Variants in MCAM observed in about 807,000 individuals in gnomAD.
The protein encoded by MCAM is cell surface glycoprotein MUC18.
A neutral mutation model predicts 79.1 loss-of-function variants in MCAM; 55 were observed. That is an observed-to-expected ratio of 0.70 (90% CI 0.56 to 0.87). The LOEUF (loss-of-function observed/expected upper bound fraction) is 0.87, where lower values mean the gene tolerates loss of function less well. Among genes scored for constraint, MCAM ranks in the 40% least tolerant of loss-of-function variants. MCAM has a pLI of 0.00. For missense variants in MCAM, 745 were observed against 839.8 expected (o/e 0.89, Z 1.40); for synonymous variants, 330 against 339.8 (o/e 0.97, Z 0.32).
chr11:119,314,293 C>T, intron 5 of MCAM, 196 bp downstream of exon 5: 1 of 572,908 alleles, frequency 1.7e-6, no homozygotes, highest in Non-Finnish European at 3.1e-6. Context: ...GTATCTGGGA[C>T]CACAGGCACA....
At position 119,310,852 on chromosome 11, in the gene MCAM, A is replaced by G. The variant is rs779468597; in HGVS notation, c.1697T>C (p.Ile566Thr). 9.9e-6 allele frequency: 16 copies of G among 1,614,034 alleles called. No individual in the cohort carries two copies. The East Asian group carries it at 2.9e-4, about 29-fold the overall frequency. ...CACCGCCAGGACCAGGATGCACACA[A>G]TCACAGCCACGATGACCACGCCCCG... ...ESRGVVIVAV[I>T]VCILVLAVLG... Residue 566 changes from isoleucine (I) to threonine (T), a missense_variant, in exon 14 of 16, where the codon ATT becomes ACT. Physicochemically the swap from Ile to Thr is moderately conservative, Grantham distance 89. Coordinates refer to ENST00000264036, the MANE Select transcript of MCAM (RefSeq NM_006500.3).
chr11:119,313,480 C>T (rs564306081), intron 5 of MCAM: 2 of 423,144 alleles, frequency 4.7e-6, no homozygotes, highest in Non-Finnish European at 8.1e-6. Context: ...TCACCGCAAC[C>T]TCCACCTCCC....
Position 119,311,164 on chromosome 11 carries a change from G to A in MCAM, c.1571C>T (p.Pro524Leu). The change falls in exon 13 of 16, where the codon CCA becomes CTA. Residue 524 changes from proline to leucine, a missense_variant. Physicochemically the swap from Pro to Leu is moderately conservative, Grantham distance 98. Coordinates refer to ENST00000264036, the MANE Select transcript of MCAM (RefSeq NM_006500.3). This position sits in a 1 kb window ranked among gnomAD's most constrained non-coding sequence, Gnocchi z 4.4. ...GAGGCCAGTGGTTGTGTTGGAGTCT[G>A]GTGTGAGGGTGGTTAAATTGACTAG... ...LELVNLTTLT[P>L]DSNTTTGLST... is the part of the protein sequence containing the mutation. The A allele has an allele frequency of 1.2e-6, 2 of 1,614,202 alleles. No homozygotes were observed. The highest frequency in any genetic ancestry group is 1.7e-6 in the Non-Finnish European group (2 of 1,180,010).
Position 119,316,732 on chromosome 11 carries a change from C to T in MCAM, c.67+303G>A, listed in dbSNP as rs1467724705. The stretch of plus-strand genomic sequence containing the variant: ...TTCAATTGCGGGCCCCCAGAGTGAG[C>T]ACCTCAGGGACCACCCACCCCCCAG... On this transcript the variant is annotated intron_variant, in intron 1 of 15. Transcript: ENST00000264036. This position sits in a 1 kb window ranked among gnomAD's most constrained non-coding sequence, Gnocchi z 4.8. 6.0e-5 allele frequency: 21 copies of T among 348,212 alleles called. No homozygotes were observed. The highest frequency in any genetic ancestry group is 9.0e-5 in the Non-Finnish European group (17 of 189,908). The allele number at this position is 348,212 out of a possible 1,614,324, so 21.6% of individuals were successfully genotyped here.
chr11:119,315,189 A>G lies in MCAM; in HGVS notation c.142T>C (p.Cys48Arg), dbSNP rs747480871. Residue 48 changes from cysteine to arginine, a missense_variant, in exon 2 of 16, where the codon TGC (cysteine) becomes CGC (arginine). By Grantham distance (180) the Cys-to-Arg change is radical. Transcript: ENST00000264036. This position sits in a 1 kb window ranked among gnomAD's most constrained non-coding sequence, Gnocchi z 4.4. ...TTGCCTTGGGACTGGGAGAGGCCGC[A>G]CTTCAGAAGGGCTGTGCTGCCCACT... ...VEVGSTALLKCGLSQSQGNLS... is the reference protein window; with the variant it reads ...VEVGSTALLKRGLSQSQGNLS... 6.2e-7 allele frequency: 1 copy of G among 1,613,324 alleles called. No homozygotes were observed. The highest frequency in any genetic ancestry group is 8.5e-7 in the Non-Finnish European group (1 of 1,179,992).
In MCAM at chr11:119,314,703, A is replaced by G. The variant is rs759985598; in HGVS notation, c.447T>C (p.Pro149=). 3.1e-6 allele frequency: 5 copies of G among 1,613,988 alleles called. No homozygotes were observed. The South Asian group carries it at 5.5e-5, about 18-fold the overall frequency. The change falls in exon 4 of 16, where the codon CCT becomes CCC. Residue 149 remains proline (P), a synonymous_variant. Transcript: ENST00000264036. ...PNIQVNPLGI[P]VNSKEPEEVA... ...CCTCCTCAGGCTCCTTACTGTTCAC[A>G]GGGATGCCCAGGGGGTTGACCTGGA... is the stretch of plus-strand genomic sequence containing the variant.
rs1019654688 is a variant in MCAM at position 119,308,680 on chromosome 11, A to G, written c.*1206T>C. The G allele has an allele frequency of 6.6e-6, 1 of 152,108 alleles. No individual in the cohort carries two copies. Among genetic ancestry groups the G allele is most frequent in the Non-Finnish European group, 1.5e-5 (1 of 68,032 alleles). The allele number at this position is 152,108 out of a possible 1,614,324, so 9.4% of individuals were successfully genotyped here. ...TATGCATACACACAGACAGACACAC[A>G]CACCCGAAGCTCTAGCCAGGCCCGT... On this transcript the variant is annotated 3_prime_UTR_variant, in exon 16 of 16. Transcript: ENST00000264036.
chr11:119,315,345 G>A lies in MCAM; in HGVS notation c.68-82C>T. The A allele has an allele frequency of 6.7e-7, 1 of 1,502,176 alleles. No individual in the cohort carries two copies. Among genetic ancestry groups the A allele is most frequent in the Admixed American group, 2.0e-5 (1 of 50,342 alleles). The allele number at this position is 1,502,176 out of a possible 1,614,324, so 93.1% of individuals were successfully genotyped here. A position where few individuals can be genotyped will look rare whatever the true frequency, so the allele number is the denominator to read the frequency against. ...CTCCCCTCGCAGCGCTGCTGCAGCT[G>A]TTTTTCCTGCCACTCAGAGGGTCTG... On this transcript the variant is annotated intron_variant, in intron 1 of 15. Transcript: ENST00000264036. This position sits in a 1 kb window ranked among gnomAD's most constrained non-coding sequence, Gnocchi z 4.4.
At position 119,310,405 on chromosome 11, in the gene MCAM, C is replaced by T. The variant is rs752552756; in HGVS notation, c.1855G>A (p.Glu619Lys). 6 of 1,614,070 alleles carry T rather than the reference C, an allele frequency of 3.7e-6. No individual in the cohort carries two copies. The highest frequency in any genetic ancestry group is 1.3e-5 in the African/African-American group (1 of 74,938). Residue 619 changes from glutamate to lysine, a missense_variant, in exon 15 of 16, where the codon GAA becomes AAA. Physicochemically the swap from Glu to Lys is moderately conservative, Grantham distance 56. Coordinates refer to ENST00000264036, the MANE Select transcript of MCAM (RefSeq NM_006500.3). ...CTGCCCTGCAGGAGGCCCATCTCTT[C>T]TGGGAGCTTATCTGACTTAACTTCA... ...VVEVKSDKLP[E>K]EMGLLQGSSG...
intron 15 of MCAM, 40 bp downstream of exon 15, chr11:119,310,309 G>T: frequency 7.5e-7 from 1 of 1,328,918 alleles, no homozygotes. Flanking sequence ...CCCGGTCCCT[G>T]AGGATGTGGC....
rs181578707 is a variant in MCAM, at chr11:119,311,611, C to T, written c.1326G>A (p.Val442=). Residue 442 remains valine (V), a synonymous_variant, in exon 11 of 16, where the codon GTG becomes GTA. Transcript: ENST00000264036. This position sits in a 1 kb window ranked among gnomAD's most constrained non-coding sequence, Gnocchi z 4.4. ...WMAFKERKVW[V]KENMVLNLSC... The stretch of plus-strand genomic sequence containing the variant: ...ACAGATTCAACACCATATTCTCTTT[C>T]ACCCACACCTTCCTCTCCTTGAATG... 9 of 1,614,180 alleles carry T rather than the reference C, an allele frequency of 5.6e-6. No homozygotes were observed. The East Asian group carries it at 1.8e-4, about 32-fold the overall frequency.
intron 13 of MCAM, 33 bp from the exon 14 acceptor site, chr11:119,310,936 G>T: frequency 6.2e-7 from 1 of 1,614,018 alleles, no homozygotes; most frequent in Non-Finnish European, 8.5e-7. Context: ...GTCACTCCCT[G>T]CCCCAGGCCA....
chr11:119,311,876 C>T lies in MCAM; in HGVS notation c.1217G>A (p.Arg406His), dbSNP rs755944376. The T allele has an allele frequency of 4.5e-5, 73 of 1,614,110 alleles. No homozygotes were observed. The highest frequency in any genetic ancestry group is 2.4e-4 in the South Asian group (22 of 91,084). The part of the protein sequence containing the change: ...DLKREAGGGY[R>H]CVASVPSIPG... ...TATGCTGGGCACAGACGCCACGCAG[C>T]GATAGCCGCCTCCTGCCTCCCGTTT... is the stretch of plus-strand genomic sequence containing the variant. The change falls in exon 10 of 16, where the codon CGC (arginine) becomes CAC (histidine). Residue 406 changes from arginine (R) to histidine (H), a missense_variant. Arg to His is a conservative substitution (Grantham distance 29). Transcript: ENST00000264036. This position sits in a 1 kb window ranked among gnomAD's most constrained non-coding sequence, Gnocchi z 4.4.
chr11:119,314,324 T>A, intron 5 of MCAM, 165 bp downstream of exon 5: 1 of 642,400 alleles, frequency 1.6e-6, no homozygotes, highest in East Asian at 2.8e-5. Context: ...CCTGGCTAAT[T>A]TTTTTATTTT....
rs754191519 is a variant in MCAM at position 119,312,522 on chromosome 11, C to G, written c.861+5G>C. 1 of 1,614,142 alleles carries G rather than the reference C, an allele frequency of 6.2e-7. No individual in the cohort carries two copies. Among genetic ancestry groups the G allele is most frequent in the Admixed American group, 1.7e-5 (1 of 60,026 alleles). ...CCACCTGCACCCAGCACAAAGCCCC[C>G]ACACCTGCTTGCTGATGCTGAAGTG... On this transcript the variant is annotated splice_donor_5th_base_variant and intron_variant, in intron 7 of 15. Transcript: ENST00000264036. The surrounding 1 kb of genome is among the most constrained non-coding windows in gnomAD (Gnocchi z 4.9).
intron 5 of MCAM, chr11:119,314,120 T>A: frequency 1.3e-6 from 1 of 774,088 alleles, no homozygotes; most frequent in Non-Finnish European, 1.6e-6. Context: ...GTTAAAAGCT[T>A]AATGAAAATA....
Position 119,313,111 on chromosome 11 carries a change from T to G in MCAM, c.560-162A>C, listed in dbSNP as rs558346209. ...CTGGAAACCCTTCAACCCAGCACTT[T>G]TACTGCTCAGTGTCAACCCTAGAAA... On this transcript the variant is annotated intron_variant, in intron 5 of 15. Coordinates refer to ENST00000264036, the MANE Select transcript of MCAM (RefSeq NM_006500.3). 16 of 1,536,290 alleles carry G rather than the reference T, an allele frequency of 1.0e-5. No individual in the cohort carries two copies. In the African/African-American group the frequency reaches 2.1e-4, roughly 20 times the overall value.
Position 119,316,365 on chromosome 11 carries a change from G to A in MCAM, c.67+670C>T, listed in dbSNP as rs1330704765. ...CGGATCCGGAGAAACGCTCCGAGGT[G>A]CCCGGGCGCACTTCCCACCTGAATG... On this transcript the variant is annotated intron_variant, in intron 1 of 15. Coordinates refer to ENST00000264036, the MANE Select transcript of MCAM (RefSeq NM_006500.3). This position sits in a 1 kb window ranked among gnomAD's most constrained non-coding sequence, Gnocchi z 4.8. Among the ~76,000 whole-genome samples, 1 of 152,242 alleles carries A rather than the reference G, an allele frequency of 6.6e-6. No homozygotes were observed. Among genetic ancestry groups the A allele is most frequent in the African/African-American group, 2.4e-5 (1 of 41,456 alleles).
rs1441309086 is a variant in MCAM, at chr11:119,311,800, G to A, written c.1285+8C>T. 1 of 1,613,756 alleles carries A rather than the reference G, an allele frequency of 6.2e-7. No individual in the cohort carries two copies. The highest frequency in any genetic ancestry group is 2.2e-5 in the East Asian group (1 of 44,864). ...TGACCTGGTCTCTACCCAGAGGGAG[G>A]GCCTCACCAAAAATGGCCACGTTGA... is the stretch of plus-strand genomic sequence containing the variant. On this transcript the variant is annotated splice_region_variant and intron_variant, in intron 10 of 15. Transcript: ENST00000264036. This position sits in a 1 kb window ranked among gnomAD's most constrained non-coding sequence, Gnocchi z 4.4.
Sources: gnomAD v4.1 joint callset for allele counts (sites outside exome capture counted in the v4.1 genomes callset) on GRCh38, gnomAD v4.1.1 for gene constraint, Gnocchi (gnomAD v3.1) non-coding constraint, MANE v1.5 for transcripts, NCBI Gene and HGNC (gene_info 2026-07-23, HGNC 2026-07-21) for gene names.